Variants in CFAP95 observed in about 807,000 individuals in gnomAD.
The protein encoded by CFAP95 is cilia and flagella associated protein 95.
the CFAP95 span, among the ~76,000 whole-genome samples, chr9:69,886,542 T>A: frequency 1.3e-5 from 2 of 152,140 alleles, no homozygotes; most frequent in African/African-American, 4.8e-5. Context: ...AACAGAAATG[T>A]GTTCTAATTG....
the CFAP95 span, among the ~76,000 whole-genome samples, chr9:69,881,774 T>C: frequency 5.9e-5 from 9 of 152,308 alleles, no homozygotes; most frequent in East Asian, 9.6e-4. Context: ...ATTTTAACAA[T>C]ATTGAGTTTT....
the CFAP95 span, among the ~76,000 whole-genome samples, chr9:69,904,521 C>T: frequency 6.6e-6 from 1 of 152,208 alleles, no homozygotes; most frequent in Non-Finnish European, 1.5e-5. Flanking sequence ...AATGCTTCTG[C>T]TACCAGAATC....
the CFAP95 span, among the ~76,000 whole-genome samples, chr9:69,826,283 T>A: frequency 6.6e-6 from 1 of 152,160 alleles, no homozygotes; most frequent in Non-Finnish European, 1.5e-5. Context: ...ATATCATGAG[T>A]GCACTTAAAT....
At chr9:69,821,015 G>A in the CFAP95 span, 9 of 1,613,638 alleles carry the variant, frequency 5.6e-6, no homozygotes, top group Non-Finnish European at 7.6e-6. Flanking sequence ...CTCGAAGCCG[G>A]TGTTGGTGTA....
chr9:69,899,894 C>T, the CFAP95 span, among the ~76,000 whole-genome samples: 1 of 152,156 alleles, frequency 6.6e-6, no homozygotes, highest in African/African-American at 2.4e-5. Context: ...GAAATTTGCA[C>T]CTGGTTTCCT....
At chr9:69,852,703 T>A in the CFAP95 span, among the ~76,000 whole-genome samples, 2 of 152,208 alleles carry the variant, frequency 1.3e-5, no homozygotes, top group Non-Finnish European at 2.9e-5. Flanking sequence ...GAGCTTCTAA[T>A]ATGGTTTTGC....
At chr9:69,830,818 T>TA in the CFAP95 span, among the ~76,000 whole-genome samples, 2 of 152,132 alleles carry the variant, frequency 1.3e-5, no homozygotes, top group Non-Finnish European at 2.9e-5. Flanking sequence ...TGACTAATTT[T>TA]AAAAAACTTT....
At chr9:69,881,087 G>A in the CFAP95 span, among the ~76,000 whole-genome samples, 1 of 152,054 alleles carries the variant, frequency 6.6e-6, no homozygotes, top group South Asian at 2.1e-4. Flanking sequence ...TGGGTAGTTT[G>A]TAAATATTTT....
chr9:69,843,745 A>G, the CFAP95 span, among the ~76,000 whole-genome samples: 365 of 150,074 alleles, frequency 2.4e-3, no homozygotes, highest in Non-Finnish European at 4.4e-3. Context: ...CCCTGAGGTG[A>G]TCCTCCTAGC....
chr9:69,843,872 G>T, the CFAP95 span, among the ~76,000 whole-genome samples: 1 of 151,622 alleles, frequency 6.6e-6, no homozygotes, highest in South Asian at 2.1e-4. Flanking sequence ...AAGCTTCTAG[G>T]CTCAAGGGAT....
the CFAP95 span, among the ~76,000 whole-genome samples, chr9:69,832,620 A>G: frequency 8.8e-5 from 1 of 11,344 alleles, no homozygotes; most frequent in East Asian, 4.9e-3. Context: ...GTCTATTCGG[A>G]TTTTTTTTTT....
chr9:69,875,597 A>C, the CFAP95 span, among the ~76,000 whole-genome samples: 1 of 152,142 alleles, frequency 6.6e-6, no homozygotes, highest in Middle Eastern at 3.2e-3. Flanking sequence ...AGTTCTACCC[A>C]AAGCAACTCT....
At chr9:69,870,098 C>G in the CFAP95 span, among the ~76,000 whole-genome samples, 2 of 152,146 alleles carry the variant, frequency 1.3e-5, no homozygotes, top group African/African-American at 4.8e-5. Context: ...ATTACCCAAA[C>G]ATATAAATCT....
chr9:69,839,945 C>T, the CFAP95 span, among the ~76,000 whole-genome samples: 20 of 151,490 alleles, frequency 1.3e-4, no homozygotes, highest in South Asian at 4.2e-4. Flanking sequence ...GGCACGGTGG[C>T]GTGTGCCTGT....
the CFAP95 span, among the ~76,000 whole-genome samples, chr9:69,881,378 A>G: frequency 2.5e-4 from 38 of 152,148 alleles, no homozygotes; most frequent in African/African-American, 8.9e-4. Flanking sequence ...CATTTTCTGC[A>G]TATGGAAATC....
At chr9:69,874,945 G>T in the CFAP95 span, among the ~76,000 whole-genome samples, 1 of 152,134 alleles carries the variant, frequency 6.6e-6, no homozygotes, top group Non-Finnish European at 1.5e-5. Flanking sequence ...GAACCAGGGG[G>T]ATCTGTTTGT....
At chr9:69,903,500 G>A in the CFAP95 span, among the ~76,000 whole-genome samples, 4 of 152,284 alleles carry the variant, frequency 2.6e-5, no homozygotes, top group Admixed American at 2.6e-4. Context: ...GTTGCCATGA[G>A]CTTACTATGC....
At chr9:69,895,365 C>CTG in the CFAP95 span, among the ~76,000 whole-genome samples, 29 of 108,156 alleles carry the variant, frequency 2.7e-4, no homozygotes, top group East Asian at 1.1e-3. Context: ...CTCTCTCTCT[C>CTG]TCTCTGTGTG....
chr9:69,897,183 A>G, the CFAP95 span, among the ~76,000 whole-genome samples: 1 of 152,184 alleles, frequency 6.6e-6, no homozygotes, highest in Non-Finnish European at 1.5e-5. Context: ...TTTTATATCT[A>G]TTTTCATTCC....
Sources: allele counts gnomAD v4.1 joint callset (sites outside exome capture counted in the v4.1 genomes callset), GRCh38; gene constraint gnomAD v4.1.1; transcripts MANE v1.5; gene names NCBI Gene and HGNC (gene_info 2026-07-23, HGNC 2026-07-21).